Variants in ARFGAP1 observed in about 807,000 individuals in gnomAD.
The protein encoded by ARFGAP1 is ARF GTPase activating protein 1, also known as ADP-ribosylation factor GTPase-activating protein 1.
Under a neutral mutation model 54.0 loss-of-function variants are expected in ARFGAP1, and 26 were observed. That is an observed-to-expected ratio of 0.48 (90% CI 0.35 to 0.67). The LOEUF is 0.67. ARFGAP1 is among the 30% of genes least tolerant of loss of function. The pLI, the probability that ARFGAP1 is intolerant of heterozygous loss-of-function variation, is 0.00. For synonymous variants in ARFGAP1, 248 were observed against 211.9 expected (o/e 1.17, Z -1.48); for missense variants, 525 against 535.8 (o/e 0.98, Z 0.20).
At chr20:63,285,588 C>T in intron 10 of ARFGAP1, 66 bp from the exon 11 acceptor site, 7 of 1,537,868 alleles carry the variant, frequency 4.6e-6, no homozygotes, top group South Asian at 2.2e-5. Context: ...GGGATTCCTG[C>T]ACTCCTGAAG....
At chr20:63,286,266 TCTC>T in intron 11 of ARFGAP1, 97 bp from the exon 12 acceptor site, 1 of 1,575,718 alleles carries the variant, frequency 6.3e-7, no homozygotes. Context: ...GCCTGGGTCT[TCTC>T]AGCGGGACGG....
At chr20:63,281,741 C>T (rs2067386323) in intron 8 of ARFGAP1, among the ~76,000 whole-genome samples, 2 of 152,198 alleles carry the variant, frequency 1.3e-5, no homozygotes, top group Non-Finnish European at 2.9e-5. Flanking sequence ...CTCTCTTTCG[C>T]CTGCTCCTCA....
intron 12 of ARFGAP1, chr20:63,286,683 C>G (rs1357271344): frequency 1.9e-6 from 1 of 525,212 alleles, no homozygotes; most frequent in African/African-American, 1.9e-5. Flanking sequence ...TCTGCAGCTG[C>G]AGAGGCCTGT....
intron 9 of ARFGAP1, 86 bp from the exon 10 acceptor site, chr20:63,284,780 T>C: frequency 1.3e-6 from 2 of 1,575,646 alleles, no homozygotes; most frequent in Non-Finnish European, 1.7e-6. Context: ...AAGCTCGTGC[T>C]GCCCTTTGCT....
intron 9 of ARFGAP1, chr20:63,284,556 G>A: frequency 8.1e-7 from 1 of 1,238,742 alleles, no homozygotes; most frequent in Non-Finnish European, 1.0e-6. Flanking sequence ...TCAGGCACAG[G>A]CTCCACAGGG....
At chr20:63,280,613 CGGCCAT>C (rs2067355381) in intron 7 of ARFGAP1, among the ~76,000 whole-genome samples, 1 of 152,348 alleles carries the variant, frequency 6.6e-6, no homozygotes, top group East Asian at 1.9e-4. Flanking sequence ...TGGCCGCTGA[CGGCCAT>C]GGTTGCTAGC....
chr20:63,279,986 T>C (rs763431837), intron 7 of ARFGAP1, among the ~76,000 whole-genome samples: 35 of 151,180 alleles, frequency 2.3e-4, no homozygotes, highest in Non-Finnish European at 4.3e-4. Context: ...TAAAAAAATA[T>C]AAAAATTAGC....
intron 1 of ARFGAP1, 39 bp from the exon 2 acceptor site, chr20:63,275,538 T>C: frequency 3.8e-6 from 6 of 1,592,076 alleles, no homozygotes; most frequent in Non-Finnish European, 5.2e-6. Flanking sequence ...TAGAGTAGCC[T>C]GTTTGTAAGT....
rs1428357041 is a variant in ARFGAP1, at chr20:63,285,673, TTGA to T, written c.800_802del (p.Asp267del). On this transcript the variant is annotated inframe_deletion, in exon 11 of 13. Coordinates refer to ENST00000370283, the MANE Select transcript of ARFGAP1 (RefSeq NM_018209.4). ...GTGCAGGTGAAGGAGGGAAAGATTTTTGATGATGTCTCCAGTGGGGTCTCTCAG... is the reference window on the plus strand; with the variant it reads ...GTGCAGGTGAAGGAGGGAAAGATTTTTGATGTCTCCAGTGGGGTCTCTCAG... The T allele has an allele frequency of 6.2e-7, 1 of 1,613,710 alleles. No individual in the cohort carries two copies. Among genetic ancestry groups the T allele is most frequent in the South Asian group, 1.1e-5 (1 of 91,088 alleles).
At position 63,284,849 on chromosome 20, in the gene ARFGAP1, G is replaced by A; in HGVS notation, c.718-17G>A. ...GGTGGAGCTGTCGTGGGGCTCACGTGACTTCCCTTCCTACAGGCGTCCGAG... is the reference window on the plus strand; with the variant it reads ...GGTGGAGCTGTCGTGGGGCTCACGTAACTTCCCTTCCTACAGGCGTCCGAG... On this transcript the variant is annotated splice_polypyrimidine_tract_variant and intron_variant, in intron 9 of 12. Transcript: ENST00000370283. 1 of 1,612,248 alleles carries A rather than the reference G, an allele frequency of 6.2e-7. No homozygotes were observed. Among genetic ancestry groups the A allele is most frequent in the East Asian group, 2.2e-5 (1 of 44,872 alleles).
Position 63,276,054 on chromosome 20 carries a change from T to C in ARFGAP1, c.61-37T>C. On this transcript the variant is annotated intron_variant, in intron 2 of 12. Transcript: ENST00000370283. The surrounding 1 kb of genome is among the most constrained non-coding windows in gnomAD (Gnocchi z 5.2). ...TCTTTGGGGTCCCTGGGCTCTGCCC[T>C]GAGCCACCTGGTGAGTCACTTGTGG... The C allele has an allele frequency of 6.3e-7, 1 of 1,591,526 alleles. No individual in the cohort carries two copies. The highest frequency in any genetic ancestry group is 1.3e-5 in the African/African-American group (1 of 74,602).
chr20:63,278,875 G>A, intron 6 of ARFGAP1, 24 bp from the exon 7 acceptor site: 3 of 1,612,464 alleles, frequency 1.9e-6, no homozygotes, highest in African/African-American at 1.3e-5. Flanking sequence ...AGCATCTTCG[G>A]CCTCTTGTCC....
In ARFGAP1 at chr20:63,286,021, G is replaced by A. The variant is rs530519317; in HGVS notation, c.834+308G>A. 66 of 1,544,970 alleles carry A rather than the reference G, an allele frequency of 4.3e-5. No individual in the cohort carries two copies. In the Middle Eastern group the frequency reaches 5.0e-4, roughly 12 times the overall value. ...GCTGCCATCAGTCCCACTGCTCTGC[G>A]GGCCATTTGGGGCGTGCATTTTGTC... is the stretch of plus-strand genomic sequence containing the variant. On this transcript the variant is annotated intron_variant, in intron 11 of 12. Transcript: ENST00000370283.
At chr20:63,285,734 G>T in intron 11 of ARFGAP1, 21 bp downstream of exon 11, 1 of 1,611,348 alleles carries the variant, frequency 6.2e-7, no homozygotes, top group Non-Finnish European at 8.5e-7. Flanking sequence ...TGCCAGATAC[G>T]CGGGCACAGT....
rs1414213593 is a variant in ARFGAP1 at position 63,288,528 on chromosome 20, A to G, written c.*655A>G. ...AGGTTCACCAGACACGGCCTCCACA[A>G]TAGCCACACCCACACCTGAGCTGTT... On this transcript the variant is annotated 3_prime_UTR_variant, in exon 13 of 13. Transcript: ENST00000370283. 2.2e-6 allele frequency: 1 copy of G among 455,832 alleles called. No individual in the cohort carries two copies. Among genetic ancestry groups the G allele is most frequent in the Non-Finnish European group, 4.4e-6 (1 of 226,778 alleles). The allele number at this position is 455,832 out of a possible 1,614,324, so 28.2% of individuals were successfully genotyped here.
At chr20:63,286,914 C>T (rs1052305347) in intron 12 of ARFGAP1, 12 of 170,046 alleles carry the variant, frequency 7.1e-5, no homozygotes, top group Non-Finnish European at 1.3e-4. Context: ...GGCCCCATGT[C>T]CAGCTCTGCC....
At chr20:63,286,477 C>T (rs747536492) in intron 12 of ARFGAP1, 35 bp downstream of exon 12, 2 of 1,595,080 alleles carry the variant, frequency 1.3e-6, no homozygotes, top group Non-Finnish European at 1.7e-6. Context: ...TTGCATCCCA[C>T]TCCCCTGCCT....
chr20:63,287,232 G>C (rs1037780966), intron 12 of ARFGAP1, among the ~76,000 whole-genome samples: 1 of 152,260 alleles, frequency 6.6e-6, no homozygotes, highest in African/African-American at 2.4e-5. Flanking sequence ...CCTGTGTCCC[G>C]GCTTGAGGCC....
chr20:63,285,433 G>A (rs956953229), intron 10 of ARFGAP1: 17 of 597,920 alleles, frequency 2.8e-5, no homozygotes, highest in South Asian at 4.0e-5. Context: ...AGCAGTGGCC[G>A]GCAGGGGCCA....
Sources: gnomAD v4.1 joint callset for allele counts (sites outside exome capture counted in the v4.1 genomes callset) on GRCh38, gnomAD v4.1.1 for gene constraint, Gnocchi (gnomAD v3.1) non-coding constraint, MANE v1.5 for transcripts, NCBI Gene and HGNC (gene_info 2026-07-23, HGNC 2026-07-21) for gene names.